Variants in NEO1 observed in about 807,000 individuals in gnomAD.
The protein encoded by NEO1 is neogenin.
Under a neutral mutation model 159.7 loss-of-function variants are expected in NEO1, and 63 were observed. The ratio of observed to expected loss-of-function variants is 0.39; its 90% confidence interval spans 0.32 to 0.49. The LOEUF is 0.49. NEO1 is among the 20% of genes least tolerant of loss of function. The probability of loss-of-function intolerance (pLI) is 0.85; values close to 1 mark genes in which losing one functional copy is unlikely to be tolerated. For synonymous variants in NEO1, 633 were observed against 662.0 expected (o/e 0.96, Z 0.67); for missense variants, 1,615 against 1,831.0 (o/e 0.88, Z 2.15).
intron 27 of NEO1, 63 bp from the exon 28 acceptor site, chr15:73,301,258 G>T: frequency 6.2e-7 from 1 of 1,605,120 alleles, no homozygotes. Context: ...GGACCTTAGG[G>T]CCTTCATGAG....
intron 5 of NEO1, among the ~76,000 whole-genome samples, chr15:73,149,620 A>G (rs2033212318): frequency 6.6e-6 from 1 of 151,244 alleles, no homozygotes; most frequent in African/African-American, 2.4e-5. Context: ...GAAAAAAAAG[A>G]TACGATATTT....
chr15:73,281,853 T>C (rs1432681394), intron 22 of NEO1, among the ~76,000 whole-genome samples: 1 of 152,162 alleles, frequency 6.6e-6, no homozygotes, highest in African/African-American at 2.4e-5. Flanking sequence ...AGAAACATGT[T>C]TCAAGAAATG....
intron 5 of NEO1, among the ~76,000 whole-genome samples, chr15:73,144,880 T>A (rs75124219): frequency 0.32 from 48,938 of 151,942 alleles, 8,828 homozygotes; most frequent in Admixed American, 0.45. Context: ...AATCTTTTTA[T>A]TTTTTTTCCA....
chr15:73,188,101 G>A (rs1164478271), intron 7 of NEO1, among the ~76,000 whole-genome samples: 1 of 151,974 alleles, frequency 6.6e-6, no homozygotes, highest in African/African-American at 2.4e-5. Context: ...GGAATTGTTT[G>A]TAGACTCTTA....
intron 21 of NEO1, 103 bp downstream of exon 21, chr15:73,274,827 A>G (rs1373354788): frequency 2.7e-6 from 3 of 1,131,972 alleles, no homozygotes; most frequent in Non-Finnish European, 3.8e-6. Context: ...AAAAATCAGC[A>G]CCATGTGTTA....
In NEO1 at chr15:73,096,204, C is replaced by A. The variant is rs76672166; in HGVS notation, c.131-20336C>A. On this transcript the variant is annotated intron_variant, in intron 1 of 28. Coordinates refer to ENST00000261908, the MANE Select transcript of NEO1 (RefSeq NM_002499.4). ...TCCTAATTAACAGCACAAACAATAGCAAACACAATAGATATCTCGGTTGGT... is the reference window on the plus strand; with the variant it reads ...TCCTAATTAACAGCACAAACAATAGAAAACACAATAGATATCTCGGTTGGT... Among the ~76,000 whole-genome samples, 1,307 of 152,170 alleles carry A rather than the reference C, an allele frequency of 8.6e-3. 23 individuals are homozygous for A. Among genetic ancestry groups the A allele is most frequent in the African/African-American group, 0.03 (1,232 of 41,520 alleles).
At chr15:73,149,046 G>A (rs966018922) in intron 5 of NEO1, among the ~76,000 whole-genome samples, 4 of 152,030 alleles carry the variant, frequency 2.6e-5, no homozygotes, top group East Asian at 1.9e-4. Flanking sequence ...TCCAGGGGCC[G>A]TAGCTCATGC....
chr15:73,117,001 G>A, intron 2 of NEO1, 144 bp downstream of exon 2: 2 of 650,578 alleles, frequency 3.1e-6, no homozygotes, highest in Non-Finnish European at 5.0e-6. Context: ...CATATACTCT[G>A]CGTATGGGAC....
chr15:73,246,102 C>T (rs1025394962), intron 9 of NEO1, among the ~76,000 whole-genome samples: 2 of 152,094 alleles, frequency 1.3e-5, no homozygotes, highest in African/African-American at 4.8e-5. Flanking sequence ...AGTGAAGAAG[C>T]TGTAGAACTT....
chr15:73,299,406 G>A (rs1319356043), intron 27 of NEO1, among the ~76,000 whole-genome samples: 1 of 149,202 alleles, frequency 6.7e-6, no homozygotes. Context: ...TTTTATTTGG[G>A]ATGGAGTCTC....
At chr15:73,220,483 A>G (rs560286613) in intron 7 of NEO1, among the ~76,000 whole-genome samples, 2 of 152,198 alleles carry the variant, frequency 1.3e-5, no homozygotes, top group South Asian at 4.2e-4. Context: ...CTGCCTTGCT[A>G]GATTGGGGAA....
intron 3 of NEO1, among the ~76,000 whole-genome samples, chr15:73,123,045 T>C (rs1429381810): frequency 2.6e-5 from 4 of 151,708 alleles, no homozygotes; most frequent in African/African-American, 9.7e-5. Flanking sequence ...TAACTCCAGC[T>C]ACTCTGGAGG....
At chr15:73,142,931 A>G (rs751098817) in intron 5 of NEO1, among the ~76,000 whole-genome samples, 1 of 152,246 alleles carries the variant, frequency 6.6e-6, no homozygotes, top group Admixed American at 6.5e-5. Context: ...ACTTACTTGG[A>G]AACTAGATCG....
At chr15:73,254,035 A>G (rs1243912592) in intron 12 of NEO1, among the ~76,000 whole-genome samples, 2 of 152,162 alleles carry the variant, frequency 1.3e-5, no homozygotes, top group African/African-American at 4.8e-5. Flanking sequence ...TTCAGGAAGT[A>G]CTGTAGAGAG....
At chr15:73,184,145 T>A (rs919561544) in intron 7 of NEO1, among the ~76,000 whole-genome samples, 9 of 152,172 alleles carry the variant, frequency 5.9e-5, no homozygotes, top group East Asian at 3.9e-4. Flanking sequence ...ATACCTTTTT[T>A]AAAATTAATT....
intron 21 of NEO1, among the ~76,000 whole-genome samples, chr15:73,277,913 G>C (rs140620575): frequency 6.6e-6 from 1 of 152,168 alleles, no homozygotes; most frequent in Non-Finnish European, 1.5e-5. Context: ...TGAGACAAGC[G>C]TGTCAGTCTT....
At chr15:73,281,817 T>C (rs2041731188) in intron 22 of NEO1, among the ~76,000 whole-genome samples, 1 of 152,082 alleles carries the variant, frequency 6.6e-6, no homozygotes, top group Non-Finnish European at 1.5e-5. Context: ...AATATGAGCA[T>C]ACATAAATAA....
intron 1 of NEO1, among the ~76,000 whole-genome samples, chr15:73,108,186 A>G (rs1357422416): frequency 6.6e-6 from 1 of 152,214 alleles, no homozygotes; most frequent in Admixed American, 6.5e-5. Context: ...AATATTGCTA[A>G]GACTGTTTAT....
At chr15:73,196,832 C>G (rs2036557137) in intron 7 of NEO1, among the ~76,000 whole-genome samples, 1 of 152,150 alleles carries the variant, frequency 6.6e-6, no homozygotes, top group South Asian at 2.1e-4. Context: ...GCCTCTCAAG[C>G]CTATAATTCT....
Sources: allele counts gnomAD v4.1 joint callset (sites outside exome capture counted in the v4.1 genomes callset), GRCh38; gene constraint gnomAD v4.1.1; transcripts MANE v1.5; gene names NCBI Gene and HGNC (gene_info 2026-07-23, HGNC 2026-07-21).